The following LEPR variants were observed in gnomAD, a reference collection of about 807,000 sequenced individuals.
The protein encoded by LEPR is leptin receptor.
LEPR carries 56 observed loss-of-function variants against 114.7 expected under a neutral mutation model. The observed-to-expected ratio is 0.49, with a 90% CI of 0.39 to 0.61. The LOEUF is 0.61. LEPR is among the 20% of genes least tolerant of loss of function. The pLI is 0.00. For synonymous variants in LEPR, 443 were observed against 461.4 expected, an observed-to-expected ratio of 0.96 and a Z score of 0.51; for missense variants, 1,202 against 1,352.9, an observed-to-expected ratio of 0.89 and a Z score of 1.75.
chr1:65,431,074 C>T (rs1646475706), intron 2 of LEPR, among the ~76,000 whole-genome samples: 2 of 152,092 alleles, frequency 1.3e-5, no homozygotes, highest in African/African-American at 4.8e-5. Flanking sequence ...GTCTTGAACC[C>T]CATGCCAGTT....
At chr1:65,420,654 G>GGTC, upstream of LEPR, 1 of 1,539,442 alleles carries the variant, frequency 6.5e-7, no homozygotes, top group Non-Finnish European at 8.8e-7. Flanking sequence ...GGCGACTCCC[G>GGTC]GTCTGGCTTG....
At chr1:65,434,970 T>C (rs2100248430) in intron 2 of LEPR, 1 of 985,504 alleles carries the variant, frequency 1.0e-6, no homozygotes, top group Non-Finnish European at 1.2e-6. Flanking sequence ...GACACCTGCA[T>C]TGGGCCGACT....
Position 65,620,016 on chromosome 1 carries a change from C to T in LEPR, c.2484C>T (p.Phe828=), listed in dbSNP as rs1454922769. The change falls in exon 17 of 20, where the codon TTC becomes TTT. Residue 828 remains phenylalanine (F), a synonymous_variant. Transcript: ENST00000349533. ...GAAAACCAAAGATAATTAATAGTTT[C>T]ACTCAAGGTAAAAATTATAATTTTA... ...GVGKPKIINS[F]TQDDIEKHQS... is the part of the protein sequence containing the mutation. 4.4e-6 allele frequency: 7 copies of T among 1,607,950 alleles called. No homozygotes were observed. Among genetic ancestry groups the T allele is most frequent in the Non-Finnish European group, 6.0e-6 (7 of 1,175,160 alleles).
rs1269308076 is a variant in LEPR at position 65,488,198 on chromosome 1, TTCTTTCTTTCTTTCTCTCTCTCTCTCTC to T, written c.-21+62836_-21+62863del. 5.7e-4 allele frequency among the ~76,000 whole-genome samples: 14 copies of T among 24,622 alleles called. 1 individual carries two copies. Among genetic ancestry groups the T allele is most frequent in the Non-Finnish European group, 8.1e-4 (10 of 12,278 alleles). The allele number at this position is 24,622 out of a possible 152,430, so 16.2% of individuals were successfully genotyped here. ...TTTCTTTCTTTCTTTCTTTCTTTCT[TTCTTTCTTTCTTTCTCTCTCTCTCTCTC>T]TCTTTCTTTCTTTCTTTCTTTCTTT... On this transcript the variant is annotated intron_variant, in intron 2 of 19. Transcript: ENST00000349533.
intron 19 of LEPR, among the ~76,000 whole-genome samples, chr1:65,624,656 G>T (rs957578820): frequency 2.0e-5 from 3 of 152,148 alleles, no homozygotes; most frequent in African/African-American, 7.2e-5. Flanking sequence ...TTTACTTCTT[G>T]CTTGAAATAG....
intron 2 of LEPR, among the ~76,000 whole-genome samples, chr1:65,538,338 A>G (rs527520354): frequency 1.8e-4 from 28 of 151,812 alleles, no homozygotes; most frequent in African/African-American, 6.3e-4. Context: ...CCTCCTTGCC[A>G]TCTCCTTTTG....
intron 2 of LEPR, among the ~76,000 whole-genome samples, chr1:65,549,734 T>A (rs1253137134): frequency 6.6e-6 from 1 of 152,176 alleles, no homozygotes; most frequent in Non-Finnish European, 1.5e-5. Context: ...TTCAAAGTTT[T>A]CAACTTCTTT....
intron 2 of LEPR, among the ~76,000 whole-genome samples, chr1:65,489,723 T>C (rs966215793): frequency 1.8e-4 from 28 of 152,152 alleles, no homozygotes; most frequent in African/African-American, 4.8e-4. Flanking sequence ...CCCACATTCA[T>C]TGGGCTTTTA....
rs1646252242 is a variant in LEPR at position 65,421,593 on chromosome 1, A to G, written c.-97+853A>G. On this transcript the variant is annotated intron_variant, in intron 1 of 19. Transcript: ENST00000349533. ...CATCTGCTATAAACATGTAGATAGT[A>G]TATATACGAGTACGCCTCTGTTCAC... The G allele has an allele frequency of 3.0e-6, 3 of 1,001,164 alleles. No individual in the cohort carries two copies. The East Asian group carries it at 7.9e-5, about 26-fold the overall frequency. The allele number at this position is 1,001,164 out of a possible 1,614,324, so 62.0% of individuals were successfully genotyped here.
chr1:65,439,797 C>T (rs1199855730), intron 2 of LEPR, among the ~76,000 whole-genome samples: 2 of 143,276 alleles, frequency 1.4e-5, no homozygotes, highest in African/African-American at 5.2e-5. Flanking sequence ...CATTGCACTC[C>T]AGCCTGGGCA....
chr1:65,480,229 A>G (rs1405951056), intron 2 of LEPR, among the ~76,000 whole-genome samples: 6 of 146,288 alleles, frequency 4.1e-5, no homozygotes, highest in Non-Finnish European at 7.4e-5. Context: ...CCTATGGTAG[A>G]AAAAAAAAAG....
intron 2 of LEPR, among the ~76,000 whole-genome samples, chr1:65,545,264 C>T (rs1213482826): frequency 6.6e-6 from 1 of 151,102 alleles, no homozygotes; most frequent in Non-Finnish European, 1.5e-5. Flanking sequence ...CCGCAATAAA[C>T]ATACGTGTGC....
intron 2 of LEPR, among the ~76,000 whole-genome samples, chr1:65,519,851 G>GT (rs982329456): frequency 9.3e-5 from 14 of 150,954 alleles, no homozygotes; most frequent in East Asian, 5.9e-4. Context: ...AAAAAAAAAT[G>GT]TTTTTTTTGT....
At chr1:65,525,850 A>G (rs1649914454) in intron 2 of LEPR, 3 of 981,634 alleles carry the variant, frequency 3.1e-6, no homozygotes, top group Non-Finnish European at 3.6e-6. Flanking sequence ...GACACCCCCT[A>G]TTGCCACCTC....
chr1:65,605,863 T>G (rs1312592663), intron 11 of LEPR, among the ~76,000 whole-genome samples: 1 of 152,188 alleles, frequency 6.6e-6, no homozygotes, highest in Non-Finnish European at 1.5e-5. Context: ...TGCAAAAATA[T>G]CTTTTGGTGC....
At chr1:65,521,903 C>A (rs910694916) in intron 2 of LEPR, among the ~76,000 whole-genome samples, 4 of 152,040 alleles carry the variant, frequency 2.6e-5, no homozygotes, top group Non-Finnish European at 4.4e-5. Flanking sequence ...AGTTTGAGAC[C>A]AGCCTGGTCA....
intron 19 of LEPR, chr1:65,629,231 C>CT: frequency 3.5e-6 from 1 of 284,124 alleles, no homozygotes; most frequent in South Asian, 3.2e-5. Flanking sequence ...AGCTCCCCTG[C>CT]TATTTTTTTT....
At chr1:65,596,967 T>A (rs1656106692) in intron 7 of LEPR, among the ~76,000 whole-genome samples, 1 of 152,006 alleles carries the variant, frequency 6.6e-6, no homozygotes, top group Non-Finnish European at 1.5e-5. Context: ...TCTGTGCACA[T>A]TCCTGTAAAA....
At chr1:65,468,834 C>T (rs901204728) in intron 2 of LEPR, among the ~76,000 whole-genome samples, 3 of 152,134 alleles carry the variant, frequency 2.0e-5, no homozygotes, top group Non-Finnish European at 4.4e-5. Flanking sequence ...TCTAAATGAG[C>T]AAAGCAAGTT....
Sources: allele counts gnomAD v4.1 joint callset (sites outside exome capture counted in the v4.1 genomes callset), GRCh38; gene constraint gnomAD v4.1.1; transcripts MANE v1.5; gene names NCBI Gene and HGNC (gene_info 2026-07-23, HGNC 2026-07-21).